The following CLDN23 variants were observed in gnomAD, a reference collection of about 807,000 sequenced individuals.
CLDN23 encodes claudin-23.
Under a neutral mutation model 1.4 loss-of-function variants are expected in CLDN23, and 3 were observed. That is an observed-to-expected ratio of 2.10 (90% CI 0.96 to 5.43). The LOEUF (loss-of-function observed/expected upper bound fraction) is 5.43. Ranked by LOEUF, CLDN23 falls within the 30% of genes most tolerant of loss-of-function variation. The probability of loss-of-function intolerance (pLI) is 0.02; values close to 1 mark genes in which losing one functional copy is unlikely to be tolerated. For missense variants in CLDN23, 597 were observed against 433.5 expected (o/e 1.38, Z -3.35); for synonymous variants, 291 against 209.9 (o/e 1.39, Z -3.34).
Position 8,702,627 on chromosome 8 carries a change from G to A in CLDN23, c.229G>A (p.Val77Met), listed in dbSNP as rs763471110. The A allele has an allele frequency of 1.2e-5, 19 of 1,604,322 alleles. No homozygotes were observed. The highest frequency in any genetic ancestry group is 6.6e-5 in the South Asian group (6 of 90,482). Residue 77 changes from valine to methionine, a missense_variant, in exon 1 of 1, where the codon GTG (valine) becomes ATG (methionine). Val to Met is a conservative substitution (Grantham distance 21). Coordinates refer to ENST00000519106, the MANE Select transcript of CLDN23 (RefSeq NM_194284.3). ...DQWGYFEAQPVLVARALMVTS... is the reference protein window; with the variant it reads ...DQWGYFEAQPMLVARALMVTS... The stretch of plus-strand genomic sequence containing the variant: ...GTGGGGCTACTTCGAGGCCCAGCCC[G>A]TGCTGGTGGCGCGGGCACTCATGGT...
Position 8,702,635 on chromosome 8 carries a change from G to T in CLDN23, c.237G>T (p.Val79=). The change falls in exon 1 of 1, where the codon GTG becomes GTT. Residue 79 remains valine (V), a synonymous_variant. Coordinates refer to ENST00000519106, the MANE Select transcript of CLDN23 (RefSeq NM_194284.3). ...WGYFEAQPVL[V]ARALMVTSLA... ...ACTTCGAGGCCCAGCCCGTGCTGGT[G>T]GCGCGGGCACTCATGGTCACCTCGC... The T allele has an allele frequency of 1.2e-6, 2 of 1,603,876 alleles. No homozygotes were observed. The highest frequency in any genetic ancestry group is 1.7e-6 in the Non-Finnish European group (2 of 1,176,024).
At position 8,702,277 on chromosome 8, in the gene CLDN23, G is replaced by C. The variant is rs1015269042; in HGVS notation, c.-122G>C. The C allele has an allele frequency of 3.7e-6, 4 of 1,092,942 alleles. No individual in the cohort carries two copies. Among genetic ancestry groups the C allele is most frequent in the African/African-American group, 1.6e-5 (1 of 60,710 alleles). 67.7% of individuals were successfully genotyped at this position (1,092,942 alleles called of 1,614,324 possible). On this transcript the variant is annotated 5_prime_UTR_variant, in exon 1 of 1. Transcript: ENST00000519106. ...TCAGGAGCCCGACCCGGAGCCCGGG[G>C]CGTCCGCGCTGACTTCGGGTCCCCG...
rs902109790 is a variant in CLDN23, at chr8:8,702,270, G to A, written c.-129G>A. 6.8e-6 allele frequency: 7 copies of A among 1,035,882 alleles called. No homozygotes were observed. The highest frequency in any genetic ancestry group is 9.4e-6 in the Non-Finnish European group (7 of 747,462). 64.2% of individuals were successfully genotyped at this position (1,035,882 alleles called of 1,614,324 possible). ...TCAGGGCTCAGGAGCCCGACCCGGA[G>A]CCCGGGGCGTCCGCGCTGACTTCGG... On this transcript the variant is annotated 5_prime_UTR_variant, in exon 1 of 1. Coordinates refer to ENST00000519106, the MANE Select transcript of CLDN23 (RefSeq NM_194284.3).
Position 8,702,370 on chromosome 8 carries a change from C to A in CLDN23, c.-29C>A. Reference sequence around the variant, plus strand: ...GACAGCGGAGAAGGAAGGCAGGCTGCAGGGGCGCCGTCGGCGCGGCGGGCC... The same window carrying A: ...GACAGCGGAGAAGGAAGGCAGGCTGAAGGGGCGCCGTCGGCGCGGCGGGCC... On this transcript the variant is annotated 5_prime_UTR_variant, in exon 1 of 1. Coordinates refer to ENST00000519106, the MANE Select transcript of CLDN23 (RefSeq NM_194284.3). 1 of 1,486,436 alleles carries A rather than the reference C, an allele frequency of 6.7e-7. No individual in the cohort carries two copies. The highest frequency in any genetic ancestry group is 2.4e-5 in the East Asian group (1 of 41,164). The allele number at this position is 1,486,436 out of a possible 1,614,324, so 92.1% of individuals were successfully genotyped here.
chr8:8,703,484 G>C lies in CLDN23; in HGVS notation c.*207G>C. The C allele has an allele frequency of 2.3e-6, 1 of 443,782 alleles. No individual in the cohort carries two copies. Among genetic ancestry groups the C allele is most frequent in the Non-Finnish European group, 3.9e-6 (1 of 255,438 alleles). The allele number at this position is 443,782 out of a possible 1,614,324, so 27.5% of individuals were successfully genotyped here. A position where few individuals can be genotyped will look rare whatever the true frequency, so the allele number is the denominator to read the frequency against. On this transcript the variant is annotated 3_prime_UTR_variant, in exon 1 of 1. Coordinates refer to ENST00000519106, the MANE Select transcript of CLDN23 (RefSeq NM_194284.3). The stretch of plus-strand genomic sequence containing the variant: ...AGAGTTTAGTTTTCCTCTCCAGAGG[G>C]ATCAGGGTCCTCTTAGGGAGTGACG...
In CLDN23 at chr8:8,704,093, A is replaced by G. The variant is rs1481349482; in HGVS notation, c.*816A>G. The stretch of plus-strand genomic sequence containing the variant: ...TTATTTATAAATAAAATTTTAAAAC[A>G]ATAGTTTCAGTATAGCCACAAAAGC... On this transcript the variant is annotated 3_prime_UTR_variant, in exon 1 of 1. Transcript: ENST00000519106. 1 of 161,698 alleles carries G rather than the reference A, an allele frequency of 6.2e-6. No individual in the cohort carries two copies. Among genetic ancestry groups the G allele is most frequent in the Non-Finnish European group, 1.5e-5 (1 of 68,106 alleles). 10.0% of individuals were successfully genotyped at this position (161,698 alleles called of 1,614,324 possible).
Position 8,702,982 on chromosome 8 carries a change from G to T in CLDN23, c.584G>T (p.Gly195Val). ...GAGCGTTGTCGCCGCCGCCGCAAGG[G>T]ACCCTCCGCCGGGCCTCGCCGCAGC... ...CDERCRRRRK[G>V]PSAGPRRSSV... is the part of the protein sequence containing the mutation. The change falls in exon 1 of 1, where the codon GGA becomes GTA. Residue 195 changes from glycine (G) to valine (V), a missense_variant. Transcript: ENST00000519106. The T allele has an allele frequency of 1.3e-6, 2 of 1,565,424 alleles. No individual in the cohort carries two copies. The highest frequency in any genetic ancestry group is 1.7e-6 in the Non-Finnish European group (2 of 1,161,182).
rs1563134796 is a variant in CLDN23 at position 8,702,491 on chromosome 8, GCTGGTGA to G, written c.94_100del (p.Leu32ArgfsTer4). 15 of 1,607,970 alleles carry G rather than the reference GCTGGTGA, an allele frequency of 9.3e-6. No individual in the cohort carries two copies. The Middle Eastern group carries it at 1.5e-3, about 164-fold the overall frequency. On this transcript the variant is annotated frameshift_variant, in exon 1 of 1. Coordinates refer to ENST00000519106, the MANE Select transcript of CLDN23 (RefSeq NM_194284.3). LOFTEE classifies it high-confidence loss of function. The stretch of plus-strand genomic sequence containing the variant: ...CCGGCACCCTGGCGCCCGGCTGGCG[GCTGGTGA>G]AGGGCTTCCTGAACCAGCCAGTGGA...
Position 8,702,460 on chromosome 8 carries a change from A to T in CLDN23, c.62A>T (p.Asn21Ile). ...TTGGCGCCCTGCGGGCTCCTGCTCA[A>T]CCTGACCGGCACCCTGGCGCCCGGC... ...MVLAPCGLLL[N>I]LTGTLAPGWR... Residue 21 changes from asparagine (N) to isoleucine (I), a missense_variant, in exon 1 of 1, where the codon AAC becomes ATC. Asn to Ile is a moderately radical substitution (Grantham distance 149, BLOSUM62 -3). Transcript: ENST00000519106. 1 of 1,605,088 alleles carries T rather than the reference A, an allele frequency of 6.2e-7. No homozygotes were observed. The highest frequency in any genetic ancestry group is 8.5e-7 in the Non-Finnish European group (1 of 1,176,800).
Position 8,702,939 on chromosome 8 carries a change from T to G in CLDN23, c.541T>G (p.Phe181Val). The G allele has an allele frequency of 6.4e-7, 1 of 1,571,670 alleles. No individual in the cohort carries two copies. Among genetic ancestry groups the G allele is most frequent in the South Asian group, 1.1e-5 (1 of 87,716 alleles). Residue 181 changes from phenylalanine (F) to valine (V), a missense_variant, in exon 1 of 1, where the codon TTC becomes GTC. Phe to Val is a conservative substitution (Grantham distance 50). Coordinates refer to ENST00000519106, the MANE Select transcript of CLDN23 (RefSeq NM_194284.3). ...LLGGFSLALS[F>V]APWCDERCRR... ...GGGCGGCTTCTCGCTGGCGCTCAGC[T>G]TCGCGCCCTGGTGCGACGAGCGTTG...
At position 8,703,721 on chromosome 8, in the gene CLDN23, A is replaced by G. The variant is rs904965582; in HGVS notation, c.*444A>G. ...TAACTCCTTGCCATGCAAACTCTCA[A>G]GAGGCCAATATATTCCTGGCCATGT... On this transcript the variant is annotated 3_prime_UTR_variant, in exon 1 of 1. Transcript: ENST00000519106. 1.2e-5 allele frequency: 2 copies of G among 168,842 alleles called. No homozygotes were observed. The highest frequency in any genetic ancestry group is 4.8e-5 in the African/African-American group (2 of 41,526). 10.5% of individuals were successfully genotyped at this position (168,842 alleles called of 1,614,324 possible). A position where few individuals can be genotyped will look rare whatever the true frequency, so the allele number is the denominator to read the frequency against.
chr8:8,703,198 A>AG lies in CLDN23; in HGVS notation c.804dup (p.Trp269ValfsTer102). On this transcript the variant is annotated frameshift_variant, in exon 1 of 1. Coordinates refer to ENST00000519106, the MANE Select transcript of CLDN23 (RefSeq NM_194284.3). LOFTEE classifies it low-confidence loss of function (END_TRUNC). ...AACTCGGTGGACGTCCTCGACGGGGAGGGGTGGGAGTCCCAGGACGCTCCC... is the reference window on the plus strand; with the variant it reads ...AACTCGGTGGACGTCCTCGACGGGGAGGGGGTGGGAGTCCCAGGACGCTCCC... 2 of 1,488,082 alleles carry AG rather than the reference A, an allele frequency of 1.3e-6. No homozygotes were observed. The highest frequency in any genetic ancestry group is 8.9e-7 in the Non-Finnish European group (1 of 1,122,148). 92.2% of individuals were successfully genotyped at this position (1,488,082 alleles called of 1,614,324 possible).
rs1313489853 is a variant in CLDN23 at position 8,702,561 on chromosome 8, G to C, written c.163G>C (p.Glu55Gln). Residue 55 changes from glutamate to glutamine, a missense_variant, in exon 1 of 1, where the codon GAG becomes CAG. Coordinates refer to ENST00000519106, the MANE Select transcript of CLDN23 (RefSeq NM_194284.3). Reference protein sequence around the residue: ...LYQGLWDMCREQSSRERECGQ... With the variant: ...LYQGLWDMCRQQSSRERECGQ... ...CCAGGGCCTGTGGGACATGTGTCGCGAGCAGAGCAGCCGCGAGCGCGAGTG... is the reference window on the plus strand; with the variant it reads ...CCAGGGCCTGTGGGACATGTGTCGCCAGCAGAGCAGCCGCGAGCGCGAGTG... The C allele has an allele frequency of 1.2e-6, 2 of 1,611,078 alleles. No homozygotes were observed. The highest frequency in any genetic ancestry group is 2.7e-5 in the African/African-American group (2 of 74,972).
Position 8,703,227 on chromosome 8 carries a change from T to C in CLDN23, c.829T>C (p.Cys277Arg). The part of the protein sequence containing the change: ...EGWESQDAPS[C>R]STHPCDSSLP... ...GTGGGAGTCCCAGGACGCTCCCTCG[T>C]GCAGCACCCACCCCTGCGACAGCTC... Residue 277 changes from cysteine to arginine, a missense_variant, in exon 1 of 1, where the codon TGC (cysteine) becomes CGC (arginine). Transcript: ENST00000519106. 2.8e-6 allele frequency: 4 copies of C among 1,451,580 alleles called. No homozygotes were observed. Among genetic ancestry groups the C allele is most frequent in the Non-Finnish European group, 3.6e-6 (4 of 1,099,738 alleles). The allele number at this position is 1,451,580 out of a possible 1,614,324, so 89.9% of individuals were successfully genotyped here. A position where few individuals can be genotyped will look rare whatever the true frequency, so the allele number is the denominator to read the frequency against.
At position 8,703,297 on chromosome 8, in the gene CLDN23, G is replaced by A; in HGVS notation, c.*20G>A. ...CTCTAGACGCTTGTAGAGCCTGGGG[G>A]GCGCCGGGTGGCAAAGGACTCACCC... On this transcript the variant is annotated 3_prime_UTR_variant, in exon 1 of 1. Transcript: ENST00000519106. The A allele has an allele frequency of 7.3e-7, 1 of 1,364,922 alleles. No individual in the cohort carries two copies. Among genetic ancestry groups the A allele is most frequent in the Non-Finnish European group, 9.5e-7 (1 of 1,053,658 alleles). The allele number at this position is 1,364,922 out of a possible 1,614,324, so 84.6% of individuals were successfully genotyped here.
chr8:8,703,802 G>A lies in CLDN23; in HGVS notation c.*525G>A, dbSNP rs1017600347. 3 of 167,100 alleles carry A rather than the reference G, an allele frequency of 1.8e-5. No individual in the cohort carries two copies. Among genetic ancestry groups the A allele is most frequent in the Non-Finnish European group, 2.9e-5 (2 of 68,174 alleles). The allele number at this position is 167,100 out of a possible 1,614,324, so 10.4% of individuals were successfully genotyped here. A position where few individuals can be genotyped will look rare whatever the true frequency, so the allele number is the denominator to read the frequency against. On this transcript the variant is annotated 3_prime_UTR_variant, in exon 1 of 1. Coordinates refer to ENST00000519106, the MANE Select transcript of CLDN23 (RefSeq NM_194284.3). ...CCATGCAAATGCCAGCAGCTTAATG[G>A]ATTTCATGGAATGAAATACCGTGAT... is the stretch of plus-strand genomic sequence containing the variant.
chr8:8,703,368 C>A lies in CLDN23; in HGVS notation c.*91C>A. Reference sequence around the variant, plus strand: ...TCGAGTTGGAACCCGGACACTTGCCCCTCACTGGTGTGGATGGAAATCTGC... The same window carrying A: ...TCGAGTTGGAACCCGGACACTTGCCACTCACTGGTGTGGATGGAAATCTGC... On this transcript the variant is annotated 3_prime_UTR_variant, in exon 1 of 1. Transcript: ENST00000519106. The A allele has an allele frequency of 8.2e-7, 1 of 1,214,438 alleles. No individual in the cohort carries two copies. The highest frequency in any genetic ancestry group is 1.1e-6 in the Non-Finnish European group (1 of 941,964). The allele number at this position is 1,214,438 out of a possible 1,614,324, so 75.2% of individuals were successfully genotyped here.
Position 8,703,475 on chromosome 8 carries a change from C to A in CLDN23, c.*198C>A, listed in dbSNP as rs1482504220. 8.6e-6 allele frequency: 4 copies of A among 464,398 alleles called. No individual in the cohort carries two copies. The highest frequency in any genetic ancestry group is 1.5e-5 in the Non-Finnish European group (4 of 273,688). The allele number at this position is 464,398 out of a possible 1,614,324, so 28.8% of individuals were successfully genotyped here. On this transcript the variant is annotated 3_prime_UTR_variant, in exon 1 of 1. Transcript: ENST00000519106. ...TCTTCTTAAAGAGTTTAGTTTTCCT[C>A]TCCAGAGGGATCAGGGTCCTCTTAG... is the stretch of plus-strand genomic sequence containing the variant.
In CLDN23 at chr8:8,702,781, G is replaced by A. The variant is rs769029701; in HGVS notation, c.383G>A (p.Gly128Asp). The A allele has an allele frequency of 9.3e-6, 15 of 1,610,810 alleles. No individual in the cohort carries two copies. Among genetic ancestry groups the A allele is most frequent in the Non-Finnish European group, 1.3e-5 (15 of 1,179,580 alleles). ...GVVLFVAGLL[G>D]LIPVSWYNHF... ...GTGCTCTTCGTCGCTGGCCTCCTCG[G>A]CCTCATCCCGGTGTCCTGGTACAAC... The change falls in exon 1 of 1, where the codon GGC becomes GAC. Residue 128 changes from glycine to aspartate, a missense_variant. Gly to Asp is a moderately conservative substitution (Grantham distance 94). Transcript: ENST00000519106.
Sources: gnomAD v4.1 joint callset for allele counts on GRCh38, gnomAD v4.1.1 for gene constraint, MANE v1.5 for transcripts, NCBI Gene and HGNC (gene_info 2026-07-23, HGNC 2026-07-21) for gene names.